The following DMD variants were observed in gnomAD, a reference collection of about 807,000 sequenced individuals.
DMD encodes the protein mutant dystrophin.
Under a neutral mutation model 330.1 loss-of-function variants are expected in DMD, and 63 were observed. The ratio of observed to expected loss-of-function variants is 0.19; its 90% CI spans 0.16 to 0.24. The LOEUF (loss-of-function observed/expected upper bound fraction) is 0.24, where lower values mean the gene tolerates loss of function less well. Among genes scored for constraint, DMD ranks in the 10% least tolerant of loss-of-function variants. The probability of loss-of-function intolerance (pLI) is 1.00; values close to 1 mark genes in which losing one functional copy is unlikely to be tolerated. For synonymous variants in DMD, 1,223 were observed against 959.8 expected (o/e 1.27, Z -5.07); for missense variants, 3,344 against 2,684.1 (o/e 1.25, Z -5.43).
intron 60 of DMD, among the ~76,000 whole-genome samples, chrX:31,390,897 C>A (rs1251697302): frequency 1.8e-5 from 2 of 111,508 alleles, no homozygotes; most frequent in Admixed American, 1.9e-4. Context: ...AAAATAAACT[C>A]TCCAGCCTTG....
intron 59 of DMD, among the ~76,000 whole-genome samples, chrX:31,461,102 T>C (rs956851282): frequency 8.9e-6 from 1 of 111,816 alleles, no homozygotes; most frequent in Non-Finnish European, 1.9e-5. Context: ...GATGCTCCCA[T>C]ATCTAAACTA....
chrX:32,736,303 T>C (rs1369486170), intron 7 of DMD, among the ~76,000 whole-genome samples: 1 of 111,149 alleles, frequency 9.0e-6, no homozygotes, highest in East Asian at 2.8e-4. Context: ...TAGGAACACT[T>C]TTTCACTGTT....
chrX:32,547,969 A>G (rs1288878831), intron 16 of DMD, among the ~76,000 whole-genome samples: 4 of 111,648 alleles, frequency 3.6e-5, no homozygotes, highest in Non-Finnish European at 7.5e-5. Flanking sequence ...GAAATCTAAT[A>G]ATCATGACCC....
At chrX:31,603,851 T>C (rs1324818299) in intron 55 of DMD, among the ~76,000 whole-genome samples, 1 of 111,639 alleles carries the variant, frequency 9.0e-6, no homozygotes, top group Non-Finnish European at 1.9e-5. Flanking sequence ...GTGGCTTCTG[T>C]TTACAACAAT....
At chrX:32,320,005 T>TTATA (rs1291466596) in intron 41 of DMD, among the ~76,000 whole-genome samples, 1 of 110,412 alleles carries the variant, frequency 9.1e-6, no homozygotes, top group Non-Finnish European at 1.9e-5. Flanking sequence ...GAACCCTCCC[T>TTATA]CCACCTCACA....
chrX:32,948,125 C>A (rs1017164518), intron 2 of DMD, among the ~76,000 whole-genome samples: 84 of 109,754 alleles, frequency 7.7e-4, no homozygotes, highest in Non-Finnish European at 1.4e-3. Flanking sequence ...CACACACACA[C>A]ACACACACAC....
chrX:32,629,724 A>G (rs1482794476), intron 11 of DMD, among the ~76,000 whole-genome samples: 1 of 110,186 alleles, frequency 9.1e-6, no homozygotes, highest in African/African-American at 3.3e-5. Context: ...TGAGGTTTGT[A>G]AAGAATAAGT....
chrX:32,162,857 G>A (rs896279349), intron 44 of DMD, among the ~76,000 whole-genome samples: 6 of 109,477 alleles, frequency 5.5e-5, no homozygotes, highest in African/African-American at 2.0e-4. Flanking sequence ...TGGGATTACA[G>A]GCATGCAACA....
chrX:33,008,804 GTATATATACACATAAATGTATACGTA>G (rs1384969527), intron 2 of DMD, among the ~76,000 whole-genome samples: 2 of 28,279 alleles, frequency 7.1e-5, no homozygotes, highest in African/African-American at 1.6e-4. Context: ...GTATATATAC[GTATATATACACATAAATGTATACGTA>G]TATATATACA....
chrX:31,698,829 T>C (rs755958786), intron 52 of DMD, among the ~76,000 whole-genome samples: 1 of 111,990 alleles, frequency 8.9e-6, no homozygotes, highest in East Asian at 2.8e-4. Context: ...AAATAAATCC[T>C]GGCCACTATG....
chrX:31,811,877 T>G (rs1008135823), intron 50 of DMD, among the ~76,000 whole-genome samples: 3 of 111,192 alleles, frequency 2.7e-5, no homozygotes, highest in African/African-American at 9.8e-5. Context: ...ACCCCTCCCC[T>G]GCCATGTTTC....
chrX:31,315,767 T>G (rs996559406), intron 62 of DMD, among the ~76,000 whole-genome samples: 1 of 112,373 alleles, frequency 8.9e-6, no homozygotes, highest in Non-Finnish European at 1.9e-5. Flanking sequence ...ATATGCCATA[T>G]AGAATGTTAC....
At chrX:32,290,625 C>T (rs7887340) in intron 42 of DMD, among the ~76,000 whole-genome samples, 17,988 of 111,387 alleles carry the variant, frequency 0.16, 1,157 homozygotes, top group African/African-American at 0.22. Context: ...CTTCCTAGTA[C>T]GAATTTTGTT....
intron 50 of DMD, among the ~76,000 whole-genome samples, chrX:31,786,211 G>C (rs2149292615): frequency 8.9e-6 from 1 of 111,979 alleles, no homozygotes; most frequent in Admixed American, 9.4e-5. Flanking sequence ...GTGATGATGA[G>C]CTTTTTTTCA....
intron 61 of DMD, chrX:31,348,322 G>C (rs1366971625): frequency 4.8e-6 from 2 of 420,263 alleles, no homozygotes; most frequent in Non-Finnish European, 8.4e-6. Context: ...TGAGAATATA[G>C]TGCAGGAAAC....
chrX:32,625,922 G>C (rs916953051), intron 11 of DMD, among the ~76,000 whole-genome samples: 1 of 111,190 alleles, frequency 9.0e-6, no homozygotes, highest in African/African-American at 3.3e-5. Flanking sequence ...CTAATAAAAG[G>C]AGGTAATGTA....
intron 51 of DMD, among the ~76,000 whole-genome samples, chrX:31,744,947 G>A (rs1402301146): frequency 8.9e-6 from 1 of 112,083 alleles, no homozygotes; most frequent in Non-Finnish European, 1.9e-5. Context: ...AGTTGGGGAG[G>A]TGACCTTCAG....
At chrX:31,355,402 G>A (rs1014262332) in intron 60 of DMD, among the ~76,000 whole-genome samples, 4 of 112,194 alleles carry the variant, frequency 3.6e-5, no homozygotes, top group African/African-American at 9.7e-5. Context: ...GAGAAAATAT[G>A]TAACTAGGAA....
chrX:32,291,595 T>G (rs1193857380), intron 42 of DMD, among the ~76,000 whole-genome samples: 1 of 111,812 alleles, frequency 8.9e-6, no homozygotes, highest in East Asian at 2.8e-4. Context: ...GAGGAAGAAC[T>G]TGAATGAGTC....
Sources: gnomAD v4.1 joint callset for allele counts (sites outside exome capture counted in the v4.1 genomes callset) on GRCh38, gnomAD v4.1.1 for gene constraint, MANE v1.5 for transcripts, NCBI Gene and HGNC (gene_info 2026-07-23, HGNC 2026-07-21) for gene names.